The following PRKCA variants were observed in gnomAD, a reference collection of about 807,000 sequenced individuals.
PRKCA encodes protein kinase C alpha.
A neutral mutation model predicts 87.0 loss-of-function variants in PRKCA; 27 were observed. That is an observed-to-expected ratio of 0.31 (90% CI 0.23 to 0.43). The LOEUF (loss-of-function observed/expected upper bound fraction) is 0.43. PRKCA is among the 20% of genes least tolerant of loss of function. The pLI is 1.00. For synonymous variants in PRKCA, 329 were observed against 311.1 expected (o/e 1.06, Z -0.61); for missense variants, 518 against 852.3 (o/e 0.61, Z 4.88).
chr17:66,656,050 C>T (rs1164581932), intron 5 of PRKCA, among the ~76,000 whole-genome samples: 1 of 152,136 alleles, frequency 6.6e-6, no homozygotes, highest in Non-Finnish European at 1.5e-5. Flanking sequence ...GCTTGGTTCT[C>T]TGTGCGGGGA....
intron 3 of PRKCA, among the ~76,000 whole-genome samples, chr17:66,552,447 T>C (rs1182759458): frequency 1.3e-5 from 2 of 152,240 alleles, no homozygotes; most frequent in Non-Finnish European, 2.9e-5. Flanking sequence ...TCTCCCGGGC[T>C]GCAGCCCAGA....
chr17:66,800,215 T>G (rs1362990025), intron 16 of PRKCA, among the ~76,000 whole-genome samples: 2 of 152,210 alleles, frequency 1.3e-5, no homozygotes, highest in African/African-American at 4.8e-5. Context: ...CCTCTTTGAG[T>G]TCAGGGAAAA....
chr17:66,489,905 C>G lies in PRKCA; in HGVS notation c.206-6296C>G, dbSNP rs563295620. Among the ~76,000 whole-genome samples the G allele has an allele frequency of 3.0e-3, 456 of 152,090 alleles. 7 individuals carry two copies. Among genetic ancestry groups the G allele is most frequent in the Non-Finnish European group, 1.1e-3 (73 of 67,992 alleles). ...AAGCCGTCCTCCTGCCTCAGCCACC[C>G]AAGTAGCTGGGATTACAGGCATGCA... On this transcript the variant is annotated intron_variant, in intron 2 of 16. Coordinates refer to ENST00000413366, the MANE Select transcript of PRKCA (RefSeq NM_002737.3).
At chr17:66,583,955 G>A (rs994286465) in intron 3 of PRKCA, among the ~76,000 whole-genome samples, 11 of 152,250 alleles carry the variant, frequency 7.2e-5, no homozygotes, top group East Asian at 5.8e-4. Context: ...AAGTGCTGGC[G>A]TTTTGTGCTG....
At chr17:66,529,766 C>T (rs906902793) in intron 3 of PRKCA, among the ~76,000 whole-genome samples, 6 of 152,146 alleles carry the variant, frequency 3.9e-5, no homozygotes, top group South Asian at 2.1e-4. Context: ...TATGAGTCCT[C>T]GTGCTAAGTC....
chr17:66,802,632 C>G (rs1975926703), intron 16 of PRKCA, among the ~76,000 whole-genome samples: 1 of 152,218 alleles, frequency 6.6e-6, no homozygotes, highest in Non-Finnish European at 1.5e-5. Context: ...TATAAAAACA[C>G]TAGCAGCACG....
intron 2 of PRKCA, among the ~76,000 whole-genome samples, chr17:66,340,381 T>TC (rs1351251998): frequency 2.5e-5 from 2 of 79,730 alleles, no homozygotes; most frequent in African/African-American, 6.2e-5. Flanking sequence ...TTTTTTTTTC[T>TC]TTTTTTTTTT....
intron 2 of PRKCA, among the ~76,000 whole-genome samples, chr17:66,386,333 T>C (rs879535011): frequency 6.6e-6 from 1 of 152,190 alleles, no homozygotes; most frequent in Non-Finnish European, 1.5e-5. Flanking sequence ...CAGAGCCCAG[T>C]TGATGGGCAT....
chr17:66,443,848 G>A (rs963502704), intron 2 of PRKCA, among the ~76,000 whole-genome samples: 1 of 152,154 alleles, frequency 6.6e-6, no homozygotes, highest in African/African-American at 2.4e-5. Context: ...GGCTGGCAAG[G>A]TACCAAGGGA....
chr17:66,515,453 C>T (rs984230741), intron 3 of PRKCA, among the ~76,000 whole-genome samples: 6 of 152,120 alleles, frequency 3.9e-5, no homozygotes, highest in African/African-American at 1.4e-4. Flanking sequence ...GACGTCATGA[C>T]AGGTTTTGAG....
At chr17:66,773,458 A>G (rs1974983860) in intron 13 of PRKCA, among the ~76,000 whole-genome samples, 1 of 146,360 alleles carries the variant, frequency 6.8e-6, no homozygotes, top group South Asian at 2.2e-4. Flanking sequence ...ATCATCTTAT[A>G]TGTCAGACTC....
chr17:66,377,678 T>C (rs1043356508), intron 2 of PRKCA, among the ~76,000 whole-genome samples: 1 of 143,380 alleles, frequency 7.0e-6, no homozygotes, highest in Non-Finnish European at 1.5e-5. Context: ...AAATGTCTAT[T>C]ATATATATAT....
At chr17:66,462,499 T>C (rs570032031) in intron 2 of PRKCA, among the ~76,000 whole-genome samples, 1 of 152,356 alleles carries the variant, frequency 6.6e-6, no homozygotes, top group African/African-American at 2.4e-5. Context: ...AAGGTACTTA[T>C]TTATTTTTAC....
intron 3 of PRKCA, among the ~76,000 whole-genome samples, chr17:66,534,651 A>AC (rs1967703884): frequency 6.6e-6 from 1 of 152,216 alleles, no homozygotes; most frequent in Non-Finnish European, 1.5e-5. Context: ...TGGGTGACAG[A>AC]GCAAGACTCT....
intron 3 of PRKCA, among the ~76,000 whole-genome samples, chr17:66,506,536 C>A (rs186000260): frequency 4.6e-5 from 7 of 152,070 alleles, no homozygotes; most frequent in African/African-American, 1.2e-4. Flanking sequence ...GGTCTGATAA[C>A]CTAACTTGAT....
intron 8 of PRKCA, among the ~76,000 whole-genome samples, chr17:66,724,486 C>G (rs1219998936): frequency 6.6e-6 from 1 of 152,144 alleles, no homozygotes; most frequent in East Asian, 1.9e-4. Context: ...GTGAGATGGA[C>G]TCAAGATTTG....
chr17:66,772,397 C>T (rs1974952656), intron 13 of PRKCA, among the ~76,000 whole-genome samples: 1 of 152,052 alleles, frequency 6.6e-6, no homozygotes, highest in Non-Finnish European at 1.5e-5. Flanking sequence ...TGTTTCTCAT[C>T]CTACATGCAG....
At chr17:66,331,915 C>G (rs764885518) in intron 2 of PRKCA, among the ~76,000 whole-genome samples, 2 of 152,292 alleles carry the variant, frequency 1.3e-5, no homozygotes, top group Non-Finnish European at 2.9e-5. Flanking sequence ...TTGATGGAAA[C>G]TTTCTCCAAG....
chr17:66,631,319 T>G (rs1196559505), intron 3 of PRKCA, among the ~76,000 whole-genome samples: 1 of 152,144 alleles, frequency 6.6e-6, no homozygotes, highest in African/African-American at 2.4e-5. Flanking sequence ...ATGAAGAAAT[T>G]GATAGGTACC....
Sources: gnomAD v4.1 joint callset for allele counts (sites outside exome capture counted in the v4.1 genomes callset) on GRCh38, gnomAD v4.1.1 for gene constraint, MANE v1.5 for transcripts, NCBI Gene and HGNC (gene_info 2026-07-23, HGNC 2026-07-21) for gene names.